The following PCDHGA1 variants were observed in gnomAD, a reference collection of about 807,000 sequenced individuals.
PCDHGA1 encodes the protein protocadherin gamma-A1.
PCDHGA1 carries 32 observed loss-of-function variants against 58.0 expected under a neutral mutation model. The observed-to-expected ratio is 0.55, with a 90% CI of 0.42 to 0.74. The LOEUF (loss-of-function observed/expected upper bound fraction) is 0.74. Ranked by LOEUF, PCDHGA1 falls within the 30% of genes least tolerant of loss-of-function variation. PCDHGA1 has a pLI of 0.00. For missense variants in PCDHGA1, 1,205 were observed against 1,182.3 expected (o/e 1.02, Z -0.28); for synonymous variants, 498 against 501.1 (o/e 0.99, Z 0.08).
intron 1 of PCDHGA1, chr5:141,338,727 A>G: frequency 1.1e-6 from 1 of 933,974 alleles, no homozygotes; most frequent in Non-Finnish European, 1.4e-6. Flanking sequence ...GTCGCTGTTG[A>G]CCACCTAAGG....
intron 1 of PCDHGA1, chr5:141,419,774 C>T (rs2096431329): frequency 6.2e-7 from 1 of 1,613,902 alleles, no homozygotes; most frequent in Admixed American, 1.7e-5. Flanking sequence ...GGACTCGGTC[C>T]GCCAGCGCCT....
intron 1 of PCDHGA1, among the ~76,000 whole-genome samples, chr5:141,454,918 C>T (rs1474616925): frequency 6.7e-6 from 1 of 149,344 alleles, no homozygotes; most frequent in Non-Finnish European, 1.5e-5. Context: ...CGCCATTCTC[C>T]TGCCTCAGCC....
rs776718024 is a variant in PCDHGA1 at position 141,486,333 on chromosome 5, T to C, written c.2422-8474T>C. 8.1e-6 allele frequency: 13 copies of C among 1,614,080 alleles called. No individual in the cohort carries two copies. Among genetic ancestry groups the C allele is most frequent in the Non-Finnish European group, 1.1e-5 (13 of 1,179,998 alleles). On this transcript the variant is annotated intron_variant, in intron 1 of 3. Coordinates refer to ENST00000517417, the MANE Select transcript of PCDHGA1 (RefSeq NM_018912.3). The surrounding 1 kb of genome is among the most constrained non-coding windows in gnomAD (Gnocchi z 5.0). ...TCAGGGTCAAACGGAGATGTGAGCC[T>C]CCGCATTCCTGACCACTTGCCATTT...
At chr5:141,368,540 A>AT (rs34785174) in intron 1 of PCDHGA1, among the ~76,000 whole-genome samples, 26 of 152,116 alleles carry the variant, frequency 1.7e-4, no homozygotes, top group South Asian at 6.2e-4. Flanking sequence ...TTGCTTTTCC[A>AT]TTTTTTTTAA....
At chr5:141,400,031 G>T in intron 1 of PCDHGA1, 1 of 1,613,082 alleles carries the variant, frequency 6.2e-7, no homozygotes, top group Admixed American at 1.7e-5. Flanking sequence ...GACGCGGCCC[G>T]CCAGCGCCTG....
chr5:141,340,816 A>G, intron 1 of PCDHGA1: 1 of 1,610,244 alleles, frequency 6.2e-7, no homozygotes, highest in Non-Finnish European at 8.5e-7. Flanking sequence ...GCGAGCCGGG[A>G]CTCTTCTCGG....
chr5:141,497,573 T>C (rs1231425210), intron 2 of PCDHGA1, among the ~76,000 whole-genome samples: 1 of 149,502 alleles, frequency 6.7e-6, no homozygotes, highest in South Asian at 2.1e-4. Context: ...AGAGTCTTGC[T>C]CTGTTGCCCA....
chr5:141,331,269 G>A lies in PCDHGA1; in HGVS notation c.585G>A (p.Val195=). The part of the protein sequence containing the change: ...GADGPQHPEM[V]LQSPLDREEE... Reference sequence around the variant, plus strand: ...ATGGGCCTCAACATCCAGAGATGGTGCTGCAGAGTCCCTTAGACAGAGAAG... The same window carrying A: ...ATGGGCCTCAACATCCAGAGATGGTACTGCAGAGTCCCTTAGACAGAGAAG... The change falls in exon 1 of 4, where the codon GTG becomes GTA. Residue 195 remains valine, a synonymous_variant. Coordinates refer to ENST00000517417, the MANE Select transcript of PCDHGA1 (RefSeq NM_018912.3). 6.2e-7 allele frequency: 1 copy of A among 1,614,096 alleles called. No individual in the cohort carries two copies. Among genetic ancestry groups the A allele is most frequent in the Non-Finnish European group, 8.5e-7 (1 of 1,180,028 alleles).
At chr5:141,427,132 G>T (rs755992698) in intron 1 of PCDHGA1, 1 of 457,106 alleles carries the variant, frequency 2.2e-6, no homozygotes, top group Non-Finnish European at 4.4e-6. Context: ...AAATCCCTAC[G>T]AGATGATATT....
chr5:141,469,697 T>G (rs2154570403), intron 1 of PCDHGA1, among the ~76,000 whole-genome samples: 1 of 152,392 alleles, frequency 6.6e-6, no homozygotes, highest in African/African-American at 2.4e-5. Context: ...TCCTATGACC[T>G]AGTAATCACA....
chr5:141,357,215 T>C (rs566972487), intron 1 of PCDHGA1: 86 of 1,613,818 alleles, frequency 5.3e-5, no homozygotes, highest in Non-Finnish European at 7.6e-6. Context: ...CCAGATGTCC[T>C]GGCTGACTTG....
chr5:141,408,077 G>A, intron 1 of PCDHGA1: 2 of 1,408,130 alleles, frequency 1.4e-6, no homozygotes, highest in South Asian at 3.0e-5. Context: ...ACCTTTCCCA[G>A]CACAGCGGAT....
intron 1 of PCDHGA1, chr5:141,408,704 A>G: frequency 1.2e-6 from 2 of 1,613,236 alleles, no homozygotes; most frequent in Non-Finnish European, 1.7e-6. Context: ...AAACTCAATT[A>G]AAGATTATAA....
rs764457879 is a variant in PCDHGA1 at position 141,356,426 on chromosome 5, C to T, written c.2421+23321C>T. The T allele has an allele frequency of 7.5e-6, 12 of 1,607,618 alleles. No individual in the cohort carries two copies. The African/African-American group carries it at 1.6e-4, about 21-fold the overall frequency. On this transcript the variant is annotated intron_variant, in intron 1 of 3. Coordinates refer to ENST00000517417, the MANE Select transcript of PCDHGA1 (RefSeq NM_018912.3). ...TATTATCGGTTGTTGACACACAGAA[C>T]ACTGGACAGGGAAGAAGTCTCAGAA...
chr5:141,352,506 A>T (rs770894188), intron 1 of PCDHGA1: 13 of 1,613,868 alleles, frequency 8.1e-6, no homozygotes, highest in Non-Finnish European at 1.0e-5. Flanking sequence ...TATTCCTACA[A>T]TCTATGTATT....
chr5:141,394,080 A>G (rs766939528), intron 1 of PCDHGA1: 2 of 1,613,920 alleles, frequency 1.2e-6, no homozygotes, highest in Non-Finnish European at 1.7e-6. Flanking sequence ...TATCACAGTG[A>G]TGGCCTCAGA....
chr5:141,399,708 A>G lies in PCDHGA1; in HGVS notation c.2421+66603A>G, dbSNP rs769072460. On this transcript the variant is annotated intron_variant, in intron 1 of 3. Transcript: ENST00000517417. ...AGCAGCTGCGCACCTTCGAACTCAC[A>G]CTACAGGCCCGCGACCAGGGCTCGC... 5.6e-6 allele frequency: 9 copies of G among 1,613,256 alleles called. No homozygotes were observed. In the African/African-American group the frequency reaches 8.0e-5, roughly 14 times the overall value.
At chr5:141,494,181 C>T (rs2099752517) in intron 1 of PCDHGA1, among the ~76,000 whole-genome samples, 1 of 152,136 alleles carries the variant, frequency 6.6e-6, no homozygotes, top group Non-Finnish European at 1.5e-5. Flanking sequence ...GAGAAGTGTC[C>T]CGGGACTTGG....
chr5:141,425,242 G>A (rs2096863400), intron 1 of PCDHGA1, among the ~76,000 whole-genome samples: 1 of 152,128 alleles, frequency 6.6e-6, no homozygotes, highest in South Asian at 2.1e-4. Context: ...TAAATAAAAA[G>A]GATATGAGGT....
Sources: allele counts gnomAD v4.1 joint callset (sites outside exome capture counted in the v4.1 genomes callset), GRCh38; gene constraint gnomAD v4.1.1; non-coding constraint Gnocchi (gnomAD v3.1); transcripts MANE v1.5; gene names NCBI Gene and HGNC (gene_info 2026-07-23, HGNC 2026-07-21).